The following CACNA1E variants were observed in gnomAD, a reference collection of about 807,000 sequenced individuals.
CACNA1E encodes the protein calcium voltage-gated channel subunit alpha1 E.
In CACNA1E, 40 loss-of-function variants were observed where a neutral mutation model predicts 259.2. The observed-to-expected ratio is 0.15, with a 90% CI of 0.12 to 0.20. CACNA1E has a LOEUF of 0.20. Ranked by LOEUF, CACNA1E falls within the 10% of genes least tolerant of loss-of-function variation. The pLI is 1.00. For synonymous variants in CACNA1E, 1,104 were observed against 1,138.5 expected (o/e 0.97, Z 0.61); for missense variants, 1,874 against 3,040.1 (o/e 0.62, Z 9.02).
chr1:181,673,728 G>A (rs1285582216), intron 7 of CACNA1E, among the ~76,000 whole-genome samples: 1 of 152,142 alleles, frequency 6.6e-6, no homozygotes, highest in Non-Finnish European at 1.5e-5. Context: ...TAGAGTCCTG[G>A]AAATTACAGT....
chr1:181,620,877 G>A (rs560861345), intron 6 of CACNA1E, among the ~76,000 whole-genome samples: 1 of 152,184 alleles, frequency 6.6e-6, no homozygotes, highest in East Asian at 1.9e-4. Flanking sequence ...AGAGGAAGAG[G>A]GCTTCCTAGT....
chr1:181,482,010 A>G (rs1164225128), upstream of CACNA1E, among the ~76,000 whole-genome samples: 2 of 152,266 alleles, frequency 1.3e-5, no homozygotes, highest in East Asian at 1.9e-4. Context: ...GCTTTCCTAC[A>G]GCGGAACCGG....
At chr1:181,326,157 T>A (rs1376417661) in intron 1 of CACNA1E, among the ~76,000 whole-genome samples, 1 of 152,230 alleles carries the variant, frequency 6.6e-6, no homozygotes, top group African/African-American at 2.4e-5. Context: ...AAACTAGTTA[T>A]ATTGTATGTA....
Position 181,733,761 on chromosome 1 carries a change from A to G in CACNA1E, c.3262+11A>G, listed in dbSNP as rs372089460. ...CAACCGTGGTGCACAGTGAGAGCACAGTCCCTGTTCCCCTCCACCCCCAAC... is the reference window on the plus strand; with the variant it reads ...CAACCGTGGTGCACAGTGAGAGCACGGTCCCTGTTCCCCTCCACCCCCAAC... On this transcript the variant is annotated intron_variant, in intron 21 of 47. Transcript: ENST00000367573. 17 of 1,515,622 alleles carry G rather than the reference A, an allele frequency of 1.1e-5. No individual in the cohort carries two copies. The African/African-American group carries it at 2.2e-4, about 20-fold the overall frequency. The allele number at this position is 1,515,622 out of a possible 1,614,324, so 93.9% of individuals were successfully genotyped here.
intron 2 of CACNA1E, among the ~76,000 whole-genome samples, chr1:181,459,856 G>C (rs1302655752): frequency 6.6e-6 from 1 of 152,224 alleles, no homozygotes; most frequent in Non-Finnish European, 1.5e-5. Flanking sequence ...AACTCCCTGA[G>C]TGATGAACAT....
intron 3 of CACNA1E, among the ~76,000 whole-genome samples, chr1:181,540,447 C>A (rs890379930): frequency 2.6e-5 from 4 of 152,134 alleles, no homozygotes; most frequent in African/African-American, 9.7e-5. Context: ...ATGAATGACA[C>A]ATATGAAAGT....
chr1:181,669,749 G>A (rs562432424), intron 7 of CACNA1E, among the ~76,000 whole-genome samples: 3 of 152,294 alleles, frequency 2.0e-5, no homozygotes, highest in Admixed American at 2.0e-4. Context: ...ATTTTCCTGA[G>A]ATTTTGAGCA....
intron 7 of CACNA1E, among the ~76,000 whole-genome samples, chr1:181,682,187 C>G (rs1650041808): frequency 6.6e-6 from 1 of 152,196 alleles, no homozygotes; most frequent in African/African-American, 2.4e-5. Context: ...TGGAGTGCCT[C>G]TTGCCTGGTC....
intron 6 of CACNA1E, among the ~76,000 whole-genome samples, chr1:181,619,924 G>A (rs1041201490): frequency 2.6e-5 from 4 of 152,100 alleles, no homozygotes; most frequent in African/African-American, 4.8e-5. Flanking sequence ...AGGTTTAAAC[G>A]TGAAGTTGGA....
intron 18 of CACNA1E, among the ~76,000 whole-genome samples, chr1:181,726,743 A>G (rs1654941538): frequency 6.6e-6 from 1 of 152,148 alleles, no homozygotes; most frequent in Admixed American, 6.5e-5. Flanking sequence ...ACTCTGTTCT[A>G]TGGAGCATAA....
chr1:181,518,572 G>A (rs533910841), intron 3 of CACNA1E, among the ~76,000 whole-genome samples: 1 of 152,192 alleles, frequency 6.6e-6, no homozygotes, highest in Admixed American at 6.5e-5. Context: ...GCTCTGTGCT[G>A]CTGATAAATC....
chr1:181,381,299 A>G (rs903430370), intron 1 of CACNA1E, among the ~76,000 whole-genome samples: 3 of 152,202 alleles, frequency 2.0e-5, no homozygotes, highest in African/African-American at 7.2e-5. Flanking sequence ...TATCAACACA[A>G]TGGAATACTA....
At position 181,577,812 on chromosome 1, in the gene CACNA1E, A is replaced by C; in HGVS notation, c.559A>C (p.Arg187=). The C allele has an allele frequency of 6.2e-7, 1 of 1,611,944 alleles. No homozygotes were observed. The highest frequency in any genetic ancestry group is 8.5e-7 in the Non-Finnish European group (1 of 1,179,084). ...GTHFNTHVDL[R]TLRAVRVLRP... ...CCACTTCAATACTCACGTGGACCTG[A>C]GGACCCTCCGGGCTGTGCGTGTCCT... is the stretch of plus-strand genomic sequence containing the variant. The change falls in exon 4 of 48, where the codon AGG becomes CGG. Residue 187 remains arginine, a synonymous_variant. Transcript: ENST00000367573.
intron 6 of CACNA1E, among the ~76,000 whole-genome samples, chr1:181,581,293 C>T (rs1651514754): frequency 6.6e-6 from 1 of 152,114 alleles, no homozygotes; most frequent in African/African-American, 2.4e-5. Context: ...TTAGAAAAGT[C>T]ATTGACTTTT....
At chr1:181,428,509 G>C (rs1249460554) in intron 2 of CACNA1E, among the ~76,000 whole-genome samples, 1 of 152,148 alleles carries the variant, frequency 6.6e-6, no homozygotes, top group East Asian at 1.9e-4. Context: ...AGTTCCTTCA[G>C]GGATCCCTTT....
chr1:181,611,297 A>G (rs1219351598), intron 6 of CACNA1E, among the ~76,000 whole-genome samples: 1 of 151,998 alleles, frequency 6.6e-6, no homozygotes, highest in Non-Finnish European at 1.5e-5. Flanking sequence ...TCGTCAACTG[A>G]TCTTTATTGC....
intron 3 of CACNA1E, among the ~76,000 whole-genome samples, chr1:181,537,927 T>A (rs532285901): frequency 6.6e-6 from 1 of 152,354 alleles, no homozygotes; most frequent in African/African-American, 2.4e-5. Context: ...TGTAAAGCAC[T>A]TAGCATAGTA....
chr1:181,660,972 G>A (rs1273624457), intron 7 of CACNA1E, among the ~76,000 whole-genome samples: 2 of 152,190 alleles, frequency 1.3e-5, no homozygotes, highest in Admixed American at 6.5e-5. Context: ...ACCCCTCAAC[G>A]GGTTTGAGTC....
chr1:181,483,739 C>T lies in CACNA1E; in HGVS notation c.-6C>T. On this transcript the variant is annotated 5_prime_UTR_variant, in exon 1 of 48. Coordinates refer to ENST00000367573, the MANE Select transcript of CACNA1E (RefSeq NM_001205293.3). ...TTGTGTGTCTTCTGTCTGTTTAAAC[C>T]TCAGGATGGCTCGCTTCGGGGAGGC... is the stretch of plus-strand genomic sequence containing the variant. 6.2e-7 allele frequency: 1 copy of T among 1,605,640 alleles called. No individual in the cohort carries two copies. The highest frequency in any genetic ancestry group is 8.5e-7 in the Non-Finnish European group (1 of 1,175,802).
Sources: gnomAD v4.1 joint callset for allele counts (sites outside exome capture counted in the v4.1 genomes callset) on GRCh38, gnomAD v4.1.1 for gene constraint, MANE v1.5 for transcripts, NCBI Gene and HGNC (gene_info 2026-07-23, HGNC 2026-07-21) for gene names.